Variants in ZSCAN32 observed in about 807,000 individuals in gnomAD.
The protein encoded by ZSCAN32 is zinc finger and SCAN domain containing 32.
A neutral mutation model predicts 47.4 loss-of-function variants in ZSCAN32; 52 were observed. That is an observed-to-expected ratio of 1.10 (90% CI 0.88 to 1.38). The LOEUF is 1.38. ZSCAN32 is among the 40% of genes most tolerant of loss of function. ZSCAN32 has a pLI of 0.00. For missense variants in ZSCAN32, 959 were observed against 846.0 expected (o/e 1.13, Z -1.66); for synonymous variants, 346 against 305.7 (o/e 1.13, Z -1.38).
chr16:3,393,907 A>T (rs944505868), intron 2 of ZSCAN32, 93 bp from the exon 3 acceptor site: 4 of 1,157,190 alleles, frequency 3.5e-6, no homozygotes, highest in Non-Finnish European at 4.7e-6. Context: ...GTGTAACATA[A>T]GGAAGCAGAA....
chr16:3,384,664 G>A lies in ZSCAN32; in HGVS notation c.1029C>T (p.Ala343=). 1.9e-6 allele frequency: 3 copies of A among 1,614,182 alleles called. No individual in the cohort carries two copies. Among genetic ancestry groups the A allele is most frequent in the Non-Finnish European group, 2.5e-6 (3 of 1,180,032 alleles). ...EEMNALSGSW[A]SAPPMASDAV... ...CATCGCTTGCCATAGGAGGTGCAGA[G>A]GCCCAGGAGCCTGAAAGAGCATTCA... Residue 343 remains alanine (A), a synonymous_variant, in exon 6 of 7, where the codon GCC becomes GCT. Transcript: ENST00000396852.
At chr16:3,399,491 C>T (rs966298327) in intron 1 of ZSCAN32, among the ~76,000 whole-genome samples, 1 of 152,184 alleles carries the variant, frequency 6.6e-6, no homozygotes, top group African/African-American at 2.4e-5. Flanking sequence ...ATACTCAAGT[C>T]TTGACAACAT....
At chr16:3,392,200 CAG>C in intron 3 of ZSCAN32, among the ~76,000 whole-genome samples, 1 of 152,230 alleles carries the variant, frequency 6.6e-6, no homozygotes, top group East Asian at 1.9e-4. Flanking sequence ...TCCATGGAAA[CAG>C]AATGGGGAGC....
chr16:3,390,577 G>A, intron 3 of ZSCAN32, 60 bp from the exon 4 acceptor site: 1 of 1,395,612 alleles, frequency 7.2e-7, no homozygotes. Context: ...CAGAGCAGAA[G>A]CTCTCAAAGT....
intron 2 of ZSCAN32, among the ~76,000 whole-genome samples, 200 bp from the exon 3 acceptor site, chr16:3,394,014 G>A (rs1465898888): frequency 6.6e-6 from 1 of 152,198 alleles, no homozygotes; most frequent in African/African-American, 2.4e-5. Flanking sequence ...TGTAATCCCA[G>A]CACTTTGGGA....
At position 3,389,901 on chromosome 16, in the gene ZSCAN32, C is replaced by T. The variant is rs1200917352; in HGVS notation, c.751+109G>A. 7 of 1,156,494 alleles carry T rather than the reference C, an allele frequency of 6.1e-6. No homozygotes were observed. The East Asian group carries it at 1.3e-4, about 22-fold the overall frequency. 71.6% of individuals were successfully genotyped at this position (1,156,494 alleles called of 1,614,324 possible). ...CCCCATTTACTTCCTCCTTTCCCTCCACCCAACAGTCTCCCCACTCCCTCT... is the reference window on the plus strand; with the variant it reads ...CCCCATTTACTTCCTCCTTTCCCTCTACCCAACAGTCTCCCCACTCCCTCT... On this transcript the variant is annotated intron_variant, in intron 5 of 6. Coordinates refer to ENST00000396852, the MANE Select transcript of ZSCAN32 (RefSeq NM_001284527.2).
At position 3,384,627 on chromosome 16, in the gene ZSCAN32, G is replaced by C; in HGVS notation, c.1066C>G (p.Gln356Glu). 1 of 1,614,040 alleles carries C rather than the reference G, an allele frequency of 6.2e-7. No homozygotes were observed. Residue 356 changes from glutamine (Q) to glutamate (E), a missense_variant, in exon 6 of 7, where the codon CAA becomes GAA. Gln to Glu is a conservative substitution (Grantham distance 29). Coordinates refer to ENST00000396852, the MANE Select transcript of ZSCAN32 (RefSeq NM_001284527.2). Reference protein sequence around the residue: ...PPMASDAVPGQEGSDIEAGEL... With the variant: ...PPMASDAVPGEEGSDIEAGEL... ...CCAGCCTCAATATCACTTCCTTCTT[G>C]GCCAGGAACAGCATCGCTTGCCATA...
rs552821867 is a variant in ZSCAN32 at position 3,384,335 on chromosome 16, T to C, written c.1234+124A>G. On this transcript the variant is annotated intron_variant, in intron 6 of 6. Transcript: ENST00000396852. ...AACTCCATGAAAACCAAAACTTGGA[T>C]AGGGTCACACATCAAGATGATGATG... The C allele has an allele frequency of 4.2e-5, 58 of 1,388,714 alleles. No individual in the cohort carries two copies. In the South Asian group the frequency reaches 6.7e-4, roughly 16 times the overall value. 86.0% of individuals were successfully genotyped at this position (1,388,714 alleles called of 1,614,324 possible).
Position 3,384,647 on chromosome 16 carries a change from G to C in ZSCAN32, c.1046C>G (p.Ala349Gly). 1 of 1,614,182 alleles carries C rather than the reference G, an allele frequency of 6.2e-7. No homozygotes were observed. The highest frequency in any genetic ancestry group is 8.5e-7 in the Non-Finnish European group (1 of 1,180,036). The change falls in exon 6 of 7, where the codon GCA becomes GGA. Residue 349 changes from alanine to glycine, a missense_variant. Transcript: ENST00000396852. The stretch of plus-strand genomic sequence containing the variant: ...TTCTTGGCCAGGAACAGCATCGCTT[G>C]CCATAGGAGGTGCAGAGGCCCAGGA... ...SGSWASAPPM[A>G]SDAVPGQEGS...
chr16:3,392,243 C>T (rs928492100), intron 3 of ZSCAN32, among the ~76,000 whole-genome samples: 3 of 152,064 alleles, frequency 2.0e-5, no homozygotes, highest in South Asian at 2.1e-4. Context: ...GTTTCCTTTT[C>T]GGGAGGATAA....
chr16:3,397,449 G>A lies in ZSCAN32; in HGVS notation c.109C>T (p.Arg37Cys), dbSNP rs1041377937. Reference sequence around the variant, plus strand: ...TAGCAAAACTGCCTGAAGCGCTGACGGGAGGCCTCGGAGTCAGGGCTGTTA... The same window carrying A: ...TAGCAAAACTGCCTGAAGCGCTGACAGGAGGCCTCGGAGTCAGGGCTGTTA... Reference protein sequence around the residue: ...QGNSPDSEASRQRFRQFCYQE... With the variant: ...QGNSPDSEASCQRFRQFCYQE... The change falls in exon 2 of 7, where the codon CGT (arginine) becomes TGT (cysteine). Residue 37 changes from arginine (R) to cysteine (C), a missense_variant. Arg to Cys is a radical substitution (Grantham distance 180, BLOSUM62 -3). Coordinates refer to ENST00000396852, the MANE Select transcript of ZSCAN32 (RefSeq NM_001284527.2). The A allele has an allele frequency of 3.0e-5, 46 of 1,550,806 alleles. No individual in the cohort carries two copies. Among genetic ancestry groups the A allele is most frequent in the Middle Eastern group, 3.3e-4 (2 of 6,014 alleles).
chr16:3,383,195 T>G lies in ZSCAN32; in HGVS notation c.1751A>C (p.Lys584Thr), dbSNP rs186626428. Residue 584 changes from lysine to threonine, a missense_variant, in exon 7 of 7, where the codon AAA becomes ACA. Transcript: ENST00000396852. Reference protein sequence around the residue: ...ERPYQCGQCGKSFNQSSSLIV... With the variant: ...ERPYQCGQCGTSFNQSSSLIV... ...GAGGCTGGAACTCTGGTTGAAGCTTTTCCCACATTGCCCACACTGATAGGG... is the reference window on the plus strand; with the variant it reads ...GAGGCTGGAACTCTGGTTGAAGCTTGTCCCACATTGCCCACACTGATAGGG... 1.2e-5 allele frequency: 19 copies of G among 1,614,180 alleles called. No homozygotes were observed. The Admixed American group carries it at 2.3e-4, about 20-fold the overall frequency.
At chr16:3,392,935 T>G (rs963038350) in intron 3 of ZSCAN32, among the ~76,000 whole-genome samples, 1 of 151,112 alleles carries the variant, frequency 6.6e-6, no homozygotes, top group African/African-American at 2.4e-5. Flanking sequence ...CTGGAAAAGA[T>G]TAAGTTGGAT....
chr16:3,388,616 T>C (rs1449820221), intron 5 of ZSCAN32, among the ~76,000 whole-genome samples: 1 of 152,226 alleles, frequency 6.6e-6, no homozygotes, highest in Non-Finnish European at 1.5e-5. Flanking sequence ...AAATTAATAT[T>C]TGTGGAAAGA....
chr16:3,384,299 G>T (rs2031655316), intron 6 of ZSCAN32, 160 bp downstream of exon 6: 1 of 984,092 alleles, frequency 1.0e-6, no homozygotes, highest in Non-Finnish European at 1.5e-6. Flanking sequence ...AATGCAAGGG[G>T]AATAACCTTT....
At chr16:3,393,528 T>C in intron 3 of ZSCAN32, 121 bp downstream of exon 3, 1 of 1,015,484 alleles carries the variant, frequency 9.8e-7, no homozygotes, top group Non-Finnish European at 1.3e-6. Flanking sequence ...CCCTGCCGGT[T>C]TTTGGATGTA....
rs144732462 is a variant in ZSCAN32 at position 3,399,738 on chromosome 16, G to A, written c.-188+1207C>T. 2.8e-3 allele frequency among the ~76,000 whole-genome samples: 426 copies of A among 150,474 alleles called. 3 individuals are homozygous for A. Among genetic ancestry groups the A allele is most frequent in the Middle Eastern group, 0.027 (8 of 292 alleles). ...TAGGATTACAAGTATAAGCCACCAT[G>A]CCCGACCTTAAAAATAATTTTAAAT... On this transcript the variant is annotated intron_variant, in intron 1 of 6. Transcript: ENST00000396852.
chr16:3,387,893 G>A (rs562882641), intron 5 of ZSCAN32, among the ~76,000 whole-genome samples: 96 of 152,288 alleles, frequency 6.3e-4, no homozygotes, highest in African/African-American at 2.2e-3. Flanking sequence ...AAATGTTTAC[G>A]TAGAGTTAAG....
In ZSCAN32 at chr16:3,384,777, A is replaced by G. The variant is rs757824099; in HGVS notation, c.916T>C (p.Cys306Arg). ...TGTAGGCTTTTGAACTTGGTGCGAC[A>G]CTGTTCTGGGGTCCGCAGAAAACCC... ...EQGFLRTPEQCRTKFKSLQLS... is the reference protein window; with the variant it reads ...EQGFLRTPEQRRTKFKSLQLS... The change falls in exon 6 of 7, where the codon TGT becomes CGT. Residue 306 changes from cysteine (C) to arginine (R), a missense_variant. By Grantham distance (180) the Cys-to-Arg change is radical. Transcript: ENST00000396852. The G allele has an allele frequency of 1.2e-6, 2 of 1,614,178 alleles. No individual in the cohort carries two copies. The highest frequency in any genetic ancestry group is 4.5e-5 in the East Asian group (2 of 44,874).
Sources: allele counts gnomAD v4.1 joint callset (sites outside exome capture counted in the v4.1 genomes callset), GRCh38; gene constraint gnomAD v4.1.1; transcripts MANE v1.5; gene names NCBI Gene and HGNC (gene_info 2026-07-23, HGNC 2026-07-21).